The following EXD1 variants were observed in gnomAD, a reference collection of about 807,000 sequenced individuals.
EXD1 encodes the protein piRNA biogenesis protein EXD1.
EXD1 carries 63 observed loss-of-function variants against 49.1 expected under a neutral mutation model. The ratio of observed to expected loss-of-function variants is 1.28; its 90% CI spans 1.05 to 1.58. The LOEUF is 1.58. EXD1 is among the 40% of genes most tolerant of loss of function. The pLI is 0.00. For synonymous variants in EXD1, 234 were observed against 239.2 expected (o/e 0.98, Z 0.20); for missense variants, 748 against 666.0 (o/e 1.12, Z -1.36).
intron 1 of EXD1, among the ~76,000 whole-genome samples, chr15:41,227,195 T>C (rs370831335): frequency 6.6e-5 from 10 of 152,312 alleles, no homozygotes; most frequent in East Asian, 3.9e-4. Flanking sequence ...TAGTGGTACA[T>C]TGGGAAAAGA....
chr15:41,191,757 G>GA (rs552293070), intron 9 of EXD1, among the ~76,000 whole-genome samples, 172 bp from the exon 10 acceptor site: 115 of 143,816 alleles, frequency 8.0e-4, no homozygotes, highest in East Asian at 3.8e-3. Context: ...TGAAAAATGA[G>GA]AAAAAAAAAA....
intron 2 of EXD1, among the ~76,000 whole-genome samples, chr15:41,223,015 A>G (rs965853379): frequency 6.6e-6 from 1 of 151,946 alleles, no homozygotes; most frequent in South Asian, 2.1e-4. Context: ...CAGGAGCACA[A>G]TCATAGCTCA....
chr15:41,224,229 C>T (rs922620529), intron 2 of EXD1, among the ~76,000 whole-genome samples: 7 of 152,178 alleles, frequency 4.6e-5, no homozygotes, highest in East Asian at 3.9e-4. Context: ...TGAGCCACTG[C>T]GCCCAGCCCC....
chr15:41,197,707 A>G (rs575650), intron 7 of EXD1, among the ~76,000 whole-genome samples: 151,721 of 151,846 alleles, frequency 1, 75,798 homozygotes, highest in Non-Finnish European at 1. Context: ...TTGGCTCACT[A>G]CAACCTCTGC....
intron 9 of EXD1, 62 bp downstream of exon 9, chr15:41,195,713 G>T: frequency 1.6e-6 from 2 of 1,268,970 alleles, no homozygotes; most frequent in Non-Finnish European, 2.1e-6. Context: ...ATGACCAGAT[G>T]AGCCCTTTTA....
intron 2 of EXD1, among the ~76,000 whole-genome samples, chr15:41,222,137 A>G (rs1303052099): frequency 3.9e-5 from 6 of 151,990 alleles, no homozygotes; most frequent in Non-Finnish European, 5.9e-5. Flanking sequence ...AAACGGGGCC[A>G]GGCACGGTGG....
At chr15:41,192,629 T>G (rs2046543633) in intron 9 of EXD1, among the ~76,000 whole-genome samples, 2 of 98,356 alleles carry the variant, frequency 2.0e-5, no homozygotes, top group Non-Finnish European at 4.2e-5. Flanking sequence ...TTTTTTTTTT[T>G]TTTGAGATAG....
rs374507380 is a variant in EXD1 at position 41,195,807 on chromosome 15, C to T, written c.688G>A (p.Gly230Arg). The change falls in exon 9 of 12, where the codon GGA (glycine) becomes AGA (arginine). Residue 230 changes from glycine to arginine, a missense_variant. By Grantham distance (125) the Gly-to-Arg change is moderately radical. Coordinates refer to ENST00000458580, the MANE Select transcript of EXD1 (RefSeq NM_001286441.2). The stretch of plus-strand genomic sequence containing the variant: ...TCAAAGACATTATTCAGCAAAATTC[C>T]ATACTGATGAGAGAGGCAATCAGAA... Reference protein sequence around the residue: ...WLSDCLSHQYGILLNNVFDTQ... With the variant: ...WLSDCLSHQYRILLNNVFDTQ... 7 of 1,613,418 alleles carry T rather than the reference C, an allele frequency of 4.3e-6. No homozygotes were observed. The highest frequency in any genetic ancestry group is 1.7e-5 in the Admixed American group (1 of 59,796).
rs1159780002 is a variant in EXD1, at chr15:41,192,610, T to A, written c.721-1025A>T. Among the ~76,000 whole-genome samples the A allele has an allele frequency of 2.9e-4, 28 of 97,840 alleles. 1 individual carries two copies. The highest frequency in any genetic ancestry group is 1.1e-3 in the East Asian group (4 of 3,684). 64.2% of individuals were successfully genotyped at this position (97,840 alleles called of 152,430 possible). On this transcript the variant is annotated intron_variant, in intron 9 of 11. Coordinates refer to ENST00000458580, the MANE Select transcript of EXD1 (RefSeq NM_001286441.2). ...GCGCCAGGCATTTTTTTTTTTTTTT[T>A]TTTTTTTTTTTTTTTTTTTTTTGAG...
intron 7 of EXD1, among the ~76,000 whole-genome samples, chr15:41,199,773 A>G (rs970761110): frequency 1.9e-4 from 4 of 20,944 alleles, no homozygotes; most frequent in African/African-American, 4.4e-4. Flanking sequence ...TATGATATAT[A>G]TGTCATATAT....
intron 2 of EXD1, among the ~76,000 whole-genome samples, 157 bp downstream of exon 2, chr15:41,226,286 G>A (rs1235452640): frequency 6.6e-6 from 1 of 151,986 alleles, no homozygotes; most frequent in African/African-American, 2.4e-5. Context: ...AGCATATTCA[G>A]TCACATTGTT....
At chr15:41,207,062 G>A (rs2046840266) in intron 7 of EXD1, among the ~76,000 whole-genome samples, 1 of 143,554 alleles carries the variant, frequency 7.0e-6, no homozygotes. Context: ...CCAACGTGGT[G>A]AAACCCCGTC....
Position 41,226,437 on chromosome 15 carries a change from C to A in EXD1, c.133+6G>T. On this transcript the variant is annotated splice_donor_region_variant and intron_variant, in intron 2 of 11. Coordinates refer to ENST00000458580, the MANE Select transcript of EXD1 (RefSeq NM_001286441.2). Reference sequence around the variant, plus strand: ...AGGCAGAACATTATAAGAAATAGAACAAGACCTTTCTTCAGGACAACAATC... The same window carrying A: ...AGGCAGAACATTATAAGAAATAGAAAAAGACCTTTCTTCAGGACAACAATC... 6.5e-7 allele frequency: 1 copy of A among 1,535,758 alleles called. No homozygotes were observed.
Position 41,208,145 on chromosome 15 carries a change from G to T in EXD1, c.534+1356C>A, listed in dbSNP as rs144155212. On this transcript the variant is annotated intron_variant, in intron 7 of 11. Coordinates refer to ENST00000458580, the MANE Select transcript of EXD1 (RefSeq NM_001286441.2). ...AGAACTGCCCAGACCTGTGTTACCA[G>T]GAAGTCTACTCTCTTTTGTTTTGGT... Among the ~76,000 whole-genome samples the T allele has an allele frequency of 5.1e-3, 768 of 152,048 alleles. 7 individuals are homozygous for T. The highest frequency in any genetic ancestry group is 0.018 in the African/African-American group (744 of 41,494).
chr15:41,229,351 G>A (rs2047204404), intron 1 of EXD1, among the ~76,000 whole-genome samples: 1 of 151,996 alleles, frequency 6.6e-6, no homozygotes, highest in African/African-American at 2.4e-5. Flanking sequence ...GGTGGCACGC[G>A]CCTGTAATCC....
At chr15:41,222,208 A>C (rs111570314) in intron 2 of EXD1, among the ~76,000 whole-genome samples, 19,159 of 152,260 alleles carry the variant, frequency 0.13, 1,391 homozygotes, top group South Asian at 0.27. Flanking sequence ...TGAGGTCAGG[A>C]GTTCAAGACC....
At chr15:41,189,876 C>A (rs1332571240) in intron 11 of EXD1, 61 bp downstream of exon 11, 1 of 1,534,038 alleles carries the variant, frequency 6.5e-7, no homozygotes, top group African/African-American at 1.4e-5. Context: ...AAGGGTATCA[C>A]TGTGTCTGCC....
Position 41,230,472 on chromosome 15 carries a change from G to A in EXD1, c.-54+7C>T. ...ACAAAATAAGGAACTTCAAATAAAT[G>A]GCGGACCATAAGCTAGGAATTCACT... On this transcript the variant is annotated splice_region_variant and intron_variant, in intron 1 of 11. Transcript: ENST00000458580. 1 of 1,612,638 alleles carries A rather than the reference G, an allele frequency of 6.2e-7. No homozygotes were observed. Among genetic ancestry groups the A allele is most frequent in the Non-Finnish European group, 8.5e-7 (1 of 1,178,708 alleles).
Position 41,184,534 on chromosome 15 carries a change from G to T in EXD1, c.1116C>A (p.Arg372=). ...TATATTCTCTTGCAGCTTTCTCCCTGCGCTGCTTCTGGAAGTCCTTGAGTT... is the reference window on the plus strand; with the variant it reads ...TATATTCTCTTGCAGCTTTCTCCCTTCGCTGCTTCTGGAAGTCCTTGAGTT... ...LLQLKDFQKQ[R]REKAAREYRV... Residue 372 remains arginine (R), a synonymous_variant, in exon 12 of 12, where the codon CGC becomes CGA. Coordinates refer to ENST00000458580, the MANE Select transcript of EXD1 (RefSeq NM_001286441.2). The T allele has an allele frequency of 6.2e-7, 1 of 1,611,672 alleles. No homozygotes were observed. The highest frequency in any genetic ancestry group is 8.5e-7 in the Non-Finnish European group (1 of 1,179,400).
Sources: allele counts gnomAD v4.1 joint callset (sites outside exome capture counted in the v4.1 genomes callset), GRCh38; gene constraint gnomAD v4.1.1; transcripts MANE v1.5; gene names NCBI Gene and HGNC (gene_info 2026-07-23, HGNC 2026-07-21).